The following WDR41 variants were observed in gnomAD, a reference collection of about 807,000 sequenced individuals.
WDR41 encodes WD repeat-containing protein 41.
WDR41 carries 63 observed loss-of-function variants against 69.3 expected under a neutral mutation model. The observed-to-expected ratio is 0.91, with a 90% CI of 0.74 to 1.12. The LOEUF is 1.12. Ranked by LOEUF, WDR41 falls within the 50% of genes most tolerant of loss-of-function variation. The probability of loss-of-function intolerance (pLI) is 0.00; values close to 1 mark genes in which losing one functional copy is unlikely to be tolerated. For missense variants in WDR41, 543 were observed against 534.5 expected, an observed-to-expected ratio of 1.02 and a Z score of -0.16; for synonymous variants, 185 against 192.1, an observed-to-expected ratio of 0.96 and a Z score of 0.31.
In WDR41 at chr5:77,525,874, T is replaced by C. The variant is rs553192070; in HGVS notation, c.43-36302A>G. ...ATAGTGCCAAAGGAGTGGAGCTCAT[T>C]AGTGGCAGCTTGAAGCCTGTAACCA... On this transcript the variant is annotated intron_variant, in intron 1 of 5. Coordinates refer to the WDR41 transcript ENST00000509971. 2.0e-3 allele frequency among the ~76,000 whole-genome samples: 299 copies of C among 152,260 alleles called. 2 individuals are homozygous for C. The highest frequency in any genetic ancestry group is 5.0e-3 in the African/African-American group (207 of 41,550).
chr5:77,437,039 G>C (rs1485365519), intron 11 of WDR41, among the ~76,000 whole-genome samples: 2 of 152,160 alleles, frequency 1.3e-5, no homozygotes, highest in African/African-American at 2.4e-5. Context: ...CAGAATTATA[G>C]ACAATATAAA....
chr5:77,439,767 TA>T (rs1799086011), intron 9 of WDR41, among the ~76,000 whole-genome samples: 2 of 152,106 alleles, frequency 1.3e-5, no homozygotes, highest in African/African-American at 2.4e-5. Flanking sequence ...AAACATCAAT[TA>T]AAAAATTTAA....
chr5:77,590,276 T>C (rs1286081366), intron 1 of WDR41, among the ~76,000 whole-genome samples: 1 of 152,226 alleles, frequency 6.6e-6, no homozygotes, highest in East Asian at 1.9e-4. Context: ...CTGTTTTGAT[T>C]GCCTTACCAA....
intron 1 of WDR41, among the ~76,000 whole-genome samples, chr5:77,502,759 C>A (rs1328361986): frequency 1.3e-5 from 2 of 152,072 alleles, no homozygotes; most frequent in African/African-American, 2.4e-5. Flanking sequence ...TCATACCCAG[C>A]CAAACTAAGC....
chr5:77,513,230 CCTAA>C (rs952336927), intron 1 of WDR41, among the ~76,000 whole-genome samples: 2 of 152,092 alleles, frequency 1.3e-5, no homozygotes, highest in Admixed American at 6.6e-5. Context: ...GATTCCTGAG[CCTAA>C]CTAATAGATT....
intron 1 of WDR41, among the ~76,000 whole-genome samples, chr5:77,570,211 T>A (rs747445056): frequency 9.2e-5 from 14 of 152,034 alleles, no homozygotes; most frequent in Non-Finnish European, 1.8e-4. Context: ...TGAGCCTGAT[T>A]TCCCTCAGGT....
intron 1 of WDR41, among the ~76,000 whole-genome samples, chr5:77,512,942 G>A (rs1417561298): frequency 1.3e-5 from 2 of 151,858 alleles, no homozygotes; most frequent in Non-Finnish European, 2.9e-5. Context: ...TTTCTCTTAG[G>A]AAGTCTTAAT....
chr5:77,451,785 A>C (rs572792069), intron 6 of WDR41: 10 of 156,690 alleles, frequency 6.4e-5, no homozygotes, highest in Middle Eastern at 3.3e-3. Flanking sequence ...ACTAGCCAAC[A>C]GTCAGCAGCT....
At chr5:77,439,614 T>C (rs1429294785) in intron 9 of WDR41, among the ~76,000 whole-genome samples, 1 of 152,206 alleles carries the variant, frequency 6.6e-6, no homozygotes, top group Non-Finnish European at 1.5e-5. Context: ...TTCATGAGCT[T>C]TGGAGGCAGC....
chr5:77,449,813 A>G lies in WDR41; in HGVS notation c.644T>C (p.Val215Ala), dbSNP rs781202209. 5.0e-6 allele frequency: 8 copies of G among 1,613,856 alleles called. No homozygotes were observed. The East Asian group carries it at 1.8e-4, about 36-fold the overall frequency. The change falls in exon 8 of 13, where the codon GTT (valine) becomes GCT (alanine). Residue 215 changes from valine (V) to alanine (A), a missense_variant. Coordinates refer to ENST00000296679, the MANE Select transcript of WDR41 (RefSeq NM_018268.4). Reference sequence around the variant, plus strand: ...ATCCTGGTGATCAAGGAGGCGCTTAACTTCAAGAATATCCCATTCTAGTGA... The same window carrying G: ...ATCCTGGTGATCAAGGAGGCGCTTAGCTTCAAGAATATCCCATTCTAGTGA... The part of the protein sequence containing the change: ...EGSLEWDILE[V>A]KRLLDHQDNI...
intron 1 of WDR41, chr5:77,620,373 A>G (rs1744758564): frequency 2.5e-6 from 1 of 407,892 alleles, no homozygotes; most frequent in South Asian, 1.8e-5. Flanking sequence ...GATCCCAGCT[A>G]ATTTCCTGTT....
rs1050989773 is a variant in WDR41 at position 77,505,432 on chromosome 5, C to T, written c.43-15860G>A. ...GCTCATGGGTAGGAAGAATCAATATCGTGAAAATGGCCATACTGCCCGAGG... is the reference window on the plus strand; with the variant it reads ...GCTCATGGGTAGGAAGAATCAATATTGTGAAAATGGCCATACTGCCCGAGG... On this transcript the variant is annotated intron_variant, in intron 1 of 5. Transcript: ENST00000509971. Among the ~76,000 whole-genome samples the T allele has an allele frequency of 1.2e-3, 178 of 152,188 alleles. 1 individual carries two copies. Among genetic ancestry groups the T allele is most frequent in the African/African-American group, 4.1e-3 (171 of 41,492 alleles).
At chr5:77,468,098 C>T (rs1800385823) in intron 2 of WDR41, among the ~76,000 whole-genome samples, 1 of 152,046 alleles carries the variant, frequency 6.6e-6, no homozygotes, top group African/African-American at 2.4e-5. Flanking sequence ...AACTTACATT[C>T]ATGAAAAACA....
intron 1 of WDR41, chr5:77,491,198 A>G (rs769152336): frequency 2.5e-6 from 1 of 406,916 alleles, no homozygotes; most frequent in East Asian, 9.5e-5. Context: ...ATTACCTTGT[A>G]AAAGTCCTTT....
intron 1 of WDR41, among the ~76,000 whole-genome samples, chr5:77,534,639 G>A (rs932498883): frequency 2.6e-5 from 4 of 151,984 alleles, no homozygotes; most frequent in African/African-American, 9.7e-5. Context: ...TCACTATGTT[G>A]CCCAGGCTGG....
At chr5:77,594,682 A>G (rs934798083) in intron 1 of WDR41, among the ~76,000 whole-genome samples, 1 of 152,194 alleles carries the variant, frequency 6.6e-6, no homozygotes, top group African/African-American at 2.4e-5. Context: ...GAAACCAAAC[A>G]GCCCAACCTT....
chr5:77,576,040 A>G (rs779924162), intron 1 of WDR41, among the ~76,000 whole-genome samples: 1 of 152,210 alleles, frequency 6.6e-6, no homozygotes, highest in Non-Finnish European at 1.5e-5. Context: ...CACCACAGAC[A>G]GAGATTTAAT....
intron 2 of WDR41, among the ~76,000 whole-genome samples, chr5:77,486,221 C>T (rs1801515989): frequency 6.6e-6 from 1 of 152,274 alleles, no homozygotes; most frequent in South Asian, 2.1e-4. Flanking sequence ...TTTTTAAAAA[C>T]AACATACAGA....
At chr5:77,504,124 T>C (rs9687481) in intron 1 of WDR41, among the ~76,000 whole-genome samples, 94,937 of 150,908 alleles carry the variant, frequency 0.63, 31,438 homozygotes, top group African/African-American at 0.84. Flanking sequence ...ATTGATAGAC[T>C]GCTAGCAAGA....
Sources: gnomAD v4.1 joint callset for allele counts (sites outside exome capture counted in the v4.1 genomes callset) on GRCh38, gnomAD v4.1.1 for gene constraint, MANE v1.5 for transcripts, NCBI Gene and HGNC (gene_info 2026-07-23, HGNC 2026-07-21) for gene names.